The following STK10 variants were observed in gnomAD, a reference collection of about 807,000 sequenced individuals.
STK10 encodes the protein serine/threonine kinase 10, also known as serine/threonine-protein kinase 10.
A neutral mutation model predicts 113.8 loss-of-function variants in STK10; 78 were observed. That is an observed-to-expected ratio of 0.69 (90% CI 0.57 to 0.83). STK10 has a LOEUF of 0.83. Among genes scored for constraint, STK10 ranks in the 40% least tolerant of loss-of-function variants. The pLI is 0.00. For synonymous variants in STK10, 465 were observed against 494.7 expected (o/e 0.94, Z 0.80); for missense variants, 1,109 against 1,280.1 (o/e 0.87, Z 2.04).
intron 13 of STK10, among the ~76,000 whole-genome samples, chr5:172,062,356 C>T (rs550306652): frequency 3.7e-4 from 57 of 152,218 alleles, no homozygotes; most frequent in African/African-American, 1.3e-3. Context: ...TTGGCAGCTG[C>T]GGTAGGTATG....
chr5:172,124,117 G>A (rs556387173), intron 3 of STK10, among the ~76,000 whole-genome samples: 67 of 152,046 alleles, frequency 4.4e-4, no homozygotes, highest in Non-Finnish European at 9.1e-4. Flanking sequence ...TTGTAGAGAC[G>A]GGGTTTTGCC....
chr5:172,083,037 C>T lies in STK10; in HGVS notation c.1733G>A (p.Arg578Gln), dbSNP rs1370186359. The change falls in exon 11 of 19, where the codon CGG (arginine) becomes CAG (glutamine). Residue 578 changes from arginine (R) to glutamine (Q), a missense_variant. Arg to Gln is a conservative substitution (Grantham distance 43). Around this residue, in one of 5 missense-constraint regions of STK10, gnomAD observed 885 missense variants for 991.1 expected, o/e 0.89. Coordinates refer to ENST00000176763, the MANE Select transcript of STK10 (RefSeq NM_005990.4). The stretch of plus-strand genomic sequence containing the variant: ...CTTGTTACTCAGCTGGGTCTGGTTC[C>T]GATGCTCTTCTTTCTGGAGCAGCCG... Reference protein sequence around the residue: ...ELRLLQKEEHRNQTQLSNKHE... With the variant: ...ELRLLQKEEHQNQTQLSNKHE... 2 of 1,614,104 alleles carry T rather than the reference C, an allele frequency of 1.2e-6. No homozygotes were observed. Among genetic ancestry groups the T allele is most frequent in the Non-Finnish European group, 1.7e-6 (2 of 1,180,020 alleles).
chr5:172,082,248 T>C lies in STK10; in HGVS notation c.1989+78A>G, dbSNP rs762361557. ...GTACCCCTCTGCTGCCAAGGTGAGG[T>C]TGAGGCCACGATCACTTGCAACCAA... is the stretch of plus-strand genomic sequence containing the variant. On this transcript the variant is annotated intron_variant, in intron 12 of 18. Transcript: ENST00000176763. This position sits in a 1 kb window ranked among gnomAD's most constrained non-coding sequence, Gnocchi z 4.3. 79 of 1,423,138 alleles carry C rather than the reference T, an allele frequency of 5.6e-5. No individual in the cohort carries two copies. Among genetic ancestry groups the C allele is most frequent in the East Asian group, 2.1e-4 (8 of 37,998 alleles). The allele number at this position is 1,423,138 out of a possible 1,614,324, so 88.2% of individuals were successfully genotyped here.
intron 9 of STK10, among the ~76,000 whole-genome samples, chr5:172,091,564 T>G (rs547632246): frequency 5.3e-4 from 78 of 147,542 alleles, no homozygotes; most frequent in Non-Finnish European, 1.1e-3. Context: ...GGAGTCTCGC[T>G]CTGTTGCCCA....
chr5:172,188,219 G>C lies in STK10; in HGVS notation c.-177C>G. 9.0e-7 allele frequency: 1 copy of C among 1,115,404 alleles called. No homozygotes were observed. The highest frequency in any genetic ancestry group is 1.2e-6 in the Non-Finnish European group (1 of 839,718). 69.1% of individuals were successfully genotyped at this position (1,115,404 alleles called of 1,614,324 possible). A position where few individuals can be genotyped will look rare whatever the true frequency, so the allele number is the denominator to read the frequency against. ...AGTGTGCCCTGGGCAGCGCCGCGCCGGGAGCACCCGGAACCGCGCAGGCGG... is the reference window on the plus strand; with the variant it reads ...AGTGTGCCCTGGGCAGCGCCGCGCCCGGAGCACCCGGAACCGCGCAGGCGG... On this transcript the variant is annotated 5_prime_UTR_variant, in exon 1 of 19. Transcript: ENST00000176763. This position sits in a 1 kb window ranked among gnomAD's most constrained non-coding sequence, Gnocchi z 5.6.
In STK10 at chr5:172,087,626, T is replaced by TATTTTTTA. The variant is rs1461858138; in HGVS notation, c.1685+2605_1685+2606insTAAAAAAT. 3.4e-3 allele frequency among the ~76,000 whole-genome samples: 337 copies of TATTTTTTA among 99,358 alleles called. 55 individuals are homozygous for TATTTTTTA. Among genetic ancestry groups the TATTTTTTA allele is most frequent in the African/African-American group, 0.016 (324 of 20,754 alleles). The allele number at this position is 99,358 out of a possible 152,430, so 65.2% of individuals were successfully genotyped here. A position where few individuals can be genotyped will look rare whatever the true frequency, so the allele number is the denominator to read the frequency against. On this transcript the variant is annotated intron_variant, in intron 10 of 18. Coordinates refer to ENST00000176763, the MANE Select transcript of STK10 (RefSeq NM_005990.4). ...TTTTAAATTTATTTACTTATTTATT[T>TATTTTTTA]TTTTTTTTTTTTTGAGACGGAGTCT...
At chr5:172,123,251 C>T (rs568106511) in intron 3 of STK10, among the ~76,000 whole-genome samples, 34 of 152,352 alleles carry the variant, frequency 2.2e-4, no homozygotes, top group Non-Finnish European at 3.2e-4. Flanking sequence ...AGAGCTGCAA[C>T]GAGGACCTGG....
intron 3 of STK10, among the ~76,000 whole-genome samples, chr5:172,126,184 G>GCCATGGT (rs1769615177): frequency 2.0e-5 from 3 of 152,318 alleles, no homozygotes; most frequent in African/African-American, 7.2e-5. Context: ...TGCAGGATGG[G>GCCATGGT]CCATGGTCCA....
chr5:172,106,000 C>T (rs1561809825), intron 6 of STK10, among the ~76,000 whole-genome samples: 1 of 152,204 alleles, frequency 6.6e-6, no homozygotes, highest in East Asian at 1.9e-4. Context: ...TGAACCCAGG[C>T]CCCCGATGTC....
chr5:172,125,094 A>G (rs1427542705), intron 3 of STK10, among the ~76,000 whole-genome samples: 1 of 152,208 alleles, frequency 6.6e-6, no homozygotes, highest in Non-Finnish European at 1.5e-5. Flanking sequence ...GCATGTATGG[A>G]AAAATGCTGA....
intron 16 of STK10, 32 bp downstream of exon 16, chr5:172,055,556 A>G: frequency 2.8e-6 from 4 of 1,415,694 alleles, no homozygotes; most frequent in Non-Finnish European, 2.8e-6. Context: ...ACACCCCAGC[A>G]CACTTGCAGA....
At chr5:172,184,747 G>A (rs546912781) in intron 1 of STK10, among the ~76,000 whole-genome samples, 132 of 152,266 alleles carry the variant, frequency 8.7e-4, no homozygotes, top group Admixed American at 2.2e-3. Context: ...CGCCTCACGG[G>A]TTCAAGCAAT....
At position 172,044,947 on chromosome 5, in the gene STK10, G is replaced by C. The variant is rs1233724201; in HGVS notation, c.2842C>G (p.Pro948Ala). ...GCCTTGCTTGGGGTGGAGGGGTTTG[G>C]GCACTCCGCCTCCTCGCTCAGCTTG... is the stretch of plus-strand genomic sequence containing the variant. The part of the protein sequence containing the change: ...FFKLSEEAEC[P>A]NPSTPSKAAK... The change falls in exon 19 of 19, where the codon CCA (proline) becomes GCA (alanine). Residue 948 changes from proline (P) to alanine (A), a missense_variant. Pro to Ala is a conservative substitution (Grantham distance 27, BLOSUM62 -1). Transcript: ENST00000176763. The surrounding 1 kb of genome is among the most constrained non-coding windows in gnomAD (Gnocchi z 4.5). 6 of 1,614,178 alleles carry C rather than the reference G, an allele frequency of 3.7e-6. No homozygotes were observed. Among genetic ancestry groups the C allele is most frequent in the African/African-American group, 2.7e-5 (2 of 75,050 alleles).
intron 8 of STK10, 120 bp from the exon 9 acceptor site, chr5:172,094,080 G>A (rs1274419577): frequency 2.3e-5 from 16 of 701,622 alleles, no homozygotes; most frequent in Non-Finnish European, 3.2e-5. Flanking sequence ...GCCAAGAAAG[G>A]AGAGCAGATA....
At chr5:172,115,494 T>C (rs1474959071) in intron 4 of STK10, among the ~76,000 whole-genome samples, 2 of 152,056 alleles carry the variant, frequency 1.3e-5, no homozygotes, top group Non-Finnish European at 2.9e-5. Flanking sequence ...AGCGTTTATG[T>C]TCCAGGTTTC....
chr5:172,089,579 G>T (rs1420128451), intron 10 of STK10, among the ~76,000 whole-genome samples: 7 of 152,060 alleles, frequency 4.6e-5, no homozygotes. Flanking sequence ...GTAGATAAAT[G>T]GATAGAAGGA....
chr5:172,188,150 G>T lies in STK10; in HGVS notation c.-108C>A. The T allele has an allele frequency of 6.7e-7, 1 of 1,485,684 alleles. No homozygotes were observed. The highest frequency in any genetic ancestry group is 1.3e-5 in the South Asian group (1 of 75,398). The allele number at this position is 1,485,684 out of a possible 1,614,324, so 92.0% of individuals were successfully genotyped here. A position where few individuals can be genotyped will look rare whatever the true frequency, so the allele number is the denominator to read the frequency against. On this transcript the variant is annotated 5_prime_UTR_variant, in exon 1 of 19. Transcript: ENST00000176763. The surrounding 1 kb of genome is among the most constrained non-coding windows in gnomAD (Gnocchi z 5.6). ...AGTTGGAGGACGCCGCGTCTCTCGG[G>T]GTTCTCCCCAGACCCGCCTTTCCCC...
At chr5:172,045,578 T>C (rs955340800) in intron 18 of STK10, 4 of 381,054 alleles carry the variant, frequency 1.0e-5, no homozygotes, top group African/African-American at 2.1e-5. Flanking sequence ...CAAGGCCTTC[T>C]GTACTGTACA....
Position 172,093,349 on chromosome 5 carries a change from T to C in STK10, c.1554+63A>G. On this transcript the variant is annotated intron_variant, in intron 9 of 18. Coordinates refer to ENST00000176763, the MANE Select transcript of STK10 (RefSeq NM_005990.4). The surrounding 1 kb of genome is among the most constrained non-coding windows in gnomAD (Gnocchi z 4.1). ...CCCCTAAATGCTTTTGAAACCAAAA[T>C]GGAGCCACAGAACATCCTGCAATGG... The C allele has an allele frequency of 6.6e-7, 1 of 1,508,284 alleles. No homozygotes were observed. The highest frequency in any genetic ancestry group is 8.9e-7 in the Non-Finnish European group (1 of 1,124,582). 93.4% of individuals were successfully genotyped at this position (1,508,284 alleles called of 1,614,324 possible).
Sources: gnomAD v4.1 joint callset for allele counts (sites outside exome capture counted in the v4.1 genomes callset) on GRCh38, gnomAD v4.1.1 for gene constraint, gnomAD v4.1.1 regional missense constraint, Gnocchi (gnomAD v3.1) non-coding constraint, MANE v1.5 for transcripts, NCBI Gene and HGNC (gene_info 2026-07-23, HGNC 2026-07-21) for gene names.